ERCC8: variants seen among roughly 807,000 people sequenced by gnomAD.
The protein encoded by ERCC8 is ERCC excision repair 8, CSA ubiquitin ligase complex subunit.
In ERCC8, 52 loss-of-function variants were observed where a neutral mutation model predicts 54.9. The ratio of observed to expected loss-of-function variants is 0.95; its 90% CI spans 0.76 to 1.19. The LOEUF (loss-of-function observed/expected upper bound fraction) is 1.19. Among genes scored for constraint, ERCC8 ranks in the 50% most tolerant of loss-of-function variants. ERCC8 has a pLI of 0.00. For missense variants in ERCC8, 514 were observed against 466.1 expected (o/e 1.10, Z -0.95); for synonymous variants, 146 against 157.2 (o/e 0.93, Z 0.53).
intron 8 of ERCC8, 70 bp downstream of exon 8, chr5:60,899,557 G>T: frequency 8.9e-7 from 1 of 1,125,982 alleles, no homozygotes. Flanking sequence ...TTATTATGTG[G>T]CTTCAATTAA....
intron 11 of ERCC8, among the ~76,000 whole-genome samples, chr5:60,880,476 A>C (rs981450188): frequency 6.6e-6 from 1 of 152,082 alleles, no homozygotes; most frequent in African/African-American, 2.4e-5. Context: ...ACTTGGTTCC[A>C]TTCTCCCCGT....
intron 8 of ERCC8, among the ~76,000 whole-genome samples, chr5:60,899,045 G>A (rs1299061154): frequency 6.8e-6 from 1 of 147,268 alleles, no homozygotes; most frequent in African/African-American, 2.5e-5. Flanking sequence ...CTTTGTGATT[G>A]TTTTATATAG....
chr5:60,876,329 G>A (rs753211772), intron 11 of ERCC8, among the ~76,000 whole-genome samples: 13 of 152,086 alleles, frequency 8.5e-5, no homozygotes, highest in East Asian at 5.8e-4. Context: ...GAATAGTGCC[G>A]CAATAAACAT....
At chr5:60,896,411 C>T (rs1312631803) in intron 9 of ERCC8, among the ~76,000 whole-genome samples, 2 of 152,048 alleles carry the variant, frequency 1.3e-5, no homozygotes, top group Admixed American at 6.5e-5. Context: ...GGGGTTTCAT[C>T]GTGTTAGCCA....
intron 10 of ERCC8, 44 bp from the exon 11 acceptor site, chr5:60,887,564 A>G (rs1044945860): frequency 7.5e-7 from 1 of 1,337,150 alleles, no homozygotes; most frequent in Middle Eastern, 1.8e-4. Context: ...TCAAGAGCTG[A>G]TATCAAACTG....
At chr5:60,908,583 ATTT>A (rs3031040) in intron 4 of ERCC8, among the ~76,000 whole-genome samples, 2 of 141,892 alleles carry the variant, frequency 1.4e-5, no homozygotes, top group Admixed American at 7.1e-5. Context: ...ATATATATAT[ATTT>A]TTTTTTTAAA....
At chr5:60,930,434 G>A (rs1319087111) in intron 1 of ERCC8, among the ~76,000 whole-genome samples, 1 of 152,158 alleles carries the variant, frequency 6.6e-6, no homozygotes, top group Non-Finnish European at 1.5e-5. Context: ...GCCTGTGCCT[G>A]TAATCCCAGC....
In ERCC8 at chr5:60,873,417, A is replaced by G. The variant is rs369855334; in HGVS notation, c.*1198T>C. Among the ~76,000 whole-genome samples, 53 of 152,302 alleles carry G rather than the reference A, an allele frequency of 3.5e-4. No individual in the cohort carries two copies. The highest frequency in any genetic ancestry group is 1.3e-3 in the African/African-American group (52 of 41,576). On this transcript the variant is annotated 3_prime_UTR_variant, in exon 12 of 12. Transcript: ENST00000676185. ...TGGCTGGGTGCAGTGGCTCAAGCTT[A>G]TAATTCCAGCACTTTGAGAGGCCGA...
At chr5:60,940,963 T>C (rs1484746728) in intron 1 of ERCC8, among the ~76,000 whole-genome samples, 2 of 152,174 alleles carry the variant, frequency 1.3e-5, no homozygotes, top group African/African-American at 4.8e-5. Flanking sequence ...AAAGCTGAGA[T>C]GACACAAGTG....
intron 11 of ERCC8, among the ~76,000 whole-genome samples, chr5:60,884,997 C>T (rs1223200616): frequency 6.6e-6 from 1 of 150,760 alleles, no homozygotes; most frequent in Non-Finnish European, 1.5e-5. Flanking sequence ...GGAAATAAAC[C>T]ATCAGTCACA....
At chr5:60,905,154 C>T (rs1749033512) in intron 4 of ERCC8, among the ~76,000 whole-genome samples, 1 of 152,044 alleles carries the variant, frequency 6.6e-6, no homozygotes, top group Admixed American at 6.6e-5. Flanking sequence ...CTCCACCCAC[C>T]CTGGTGGGGA....
intron 7 of ERCC8, among the ~76,000 whole-genome samples, chr5:60,900,032 C>G (rs971514147): frequency 6.6e-5 from 10 of 151,942 alleles, no homozygotes; most frequent in Non-Finnish European, 1.2e-4. Flanking sequence ...ACCAGAAAGG[C>G]TTGTAGCTTG....
At chr5:60,938,452 C>G (rs550177574) in intron 1 of ERCC8, among the ~76,000 whole-genome samples, 22 of 145,326 alleles carry the variant, frequency 1.5e-4, no homozygotes, top group Non-Finnish European at 3.0e-4. Context: ...CTCCAGAGTT[C>G]AAGCGATTCT....
intron 11 of ERCC8, among the ~76,000 whole-genome samples, chr5:60,885,654 T>C (rs1460572978): frequency 2.0e-5 from 3 of 152,148 alleles, no homozygotes; most frequent in Non-Finnish European, 4.4e-5. Context: ...TGATAAAATC[T>C]GGAAGTATGC....
chr5:60,901,988 T>A (rs1430965557), intron 7 of ERCC8, among the ~76,000 whole-genome samples: 7 of 152,042 alleles, frequency 4.6e-5, no homozygotes, highest in African/African-American at 1.7e-4. Flanking sequence ...CCTCATTAGA[T>A]CATTAGATTG....
In ERCC8 at chr5:60,867,990, G is replaced by C. The variant is rs1390242364; in HGVS notation, c.*6625C>G. Among the ~76,000 whole-genome samples, 2 of 152,204 alleles carry C rather than the reference G, an allele frequency of 1.3e-5. No individual in the cohort carries two copies. The highest frequency in any genetic ancestry group is 1.3e-4 in the Admixed American group (2 of 15,278). On this transcript the variant is annotated 3_prime_UTR_variant, in exon 12 of 12. Coordinates refer to ENST00000676185, the MANE Select transcript of ERCC8 (RefSeq NM_000082.4). The stretch of plus-strand genomic sequence containing the variant: ...GAGGTCAGGAGTTCGAGACCAGCCA[G>C]ACCAACATGGAGAAACCCTGTCTCT...
chr5:60,937,550 G>A (rs1388173568), intron 1 of ERCC8, among the ~76,000 whole-genome samples: 1 of 152,174 alleles, frequency 6.6e-6, no homozygotes, highest in Non-Finnish European at 1.5e-5. Context: ...CCTCTGCTGT[G>A]TCACACAGGT....
chr5:60,884,884 T>C (rs1748350171), intron 11 of ERCC8, among the ~76,000 whole-genome samples: 1 of 152,278 alleles, frequency 6.6e-6, no homozygotes, highest in East Asian at 1.9e-4. Context: ...AACTTGATAT[T>C]TGTATATCTC....
Position 60,935,161 on chromosome 5 carries a change from C to T in ERCC8, c.78-6202G>A, listed in dbSNP as rs114918855. ...TTTTCGCAATATTGATTCTACCCAT[C>T]CAAATGTAGAATTTAGCTGTGTTTC... On this transcript the variant is annotated intron_variant, in intron 1 of 11. Coordinates refer to ENST00000676185, the MANE Select transcript of ERCC8 (RefSeq NM_000082.4). 6.8e-3 allele frequency among the ~76,000 whole-genome samples: 1,039 copies of T among 152,268 alleles called. 5 individuals carry two copies. Among genetic ancestry groups the T allele is most frequent in the Non-Finnish European group, 0.011 (737 of 68,020 alleles).
Sources: allele counts gnomAD v4.1 joint callset (sites outside exome capture counted in the v4.1 genomes callset), GRCh38; gene constraint gnomAD v4.1.1; transcripts MANE v1.5; gene names NCBI Gene and HGNC (gene_info 2026-07-23, HGNC 2026-07-21).